LDLRAD3: variants seen among roughly 807,000 people sequenced by gnomAD.
The protein encoded by LDLRAD3 is low density lipoprotein receptor class A domain containing 3, also known as low-density lipoprotein receptor class A domain-containing protein 3.
LDLRAD3 carries 20 observed loss-of-function variants against 29.4 expected under a neutral mutation model. That is an observed-to-expected ratio of 0.68 (90% CI 0.48 to 0.99). The LOEUF is 0.99. Ranked by LOEUF, LDLRAD3 falls within the 50% of genes least tolerant of loss-of-function variation. The pLI, the probability that LDLRAD3 is intolerant of heterozygous loss-of-function variation, is 0.00. For synonymous variants in LDLRAD3, 157 were observed against 192.7 expected (o/e 0.81, Z 1.53); for missense variants, 420 against 454.3 (o/e 0.92, Z 0.69).
chr11:36,175,769 A>C (rs1184522398), intron 4 of LDLRAD3, among the ~76,000 whole-genome samples: 3 of 152,230 alleles, frequency 2.0e-5, no homozygotes, highest in Non-Finnish European at 4.4e-5. Context: ...ACTGATGAAT[A>C]GAATGTATAT....
chr11:35,983,100 C>T (rs1393884522), intron 1 of LDLRAD3, among the ~76,000 whole-genome samples: 2 of 152,126 alleles, frequency 1.3e-5, no homozygotes, highest in Non-Finnish European at 1.5e-5. Flanking sequence ...GTGATCTACC[C>T]GCCTTGGCCT....
chr11:36,029,955 G>A (rs1852215030), intron 1 of LDLRAD3, among the ~76,000 whole-genome samples: 1 of 152,216 alleles, frequency 6.6e-6, no homozygotes, highest in Non-Finnish European at 1.5e-5. Context: ...CATAGGCAGT[G>A]TAAATATGAA....
chr11:36,171,103 A>G (rs1347483223), intron 4 of LDLRAD3, among the ~76,000 whole-genome samples: 1 of 151,864 alleles, frequency 6.6e-6, no homozygotes, highest in African/African-American at 2.4e-5. Context: ...TCTTTTGGGA[A>G]TTGTCTATTT....
chr11:35,990,122 A>T (rs919435896), intron 1 of LDLRAD3, among the ~76,000 whole-genome samples: 1 of 152,130 alleles, frequency 6.6e-6, no homozygotes, highest in Non-Finnish European at 1.5e-5. Context: ...CTATAAAGGC[A>T]TGGGGGGTGG....
At chr11:36,187,828 A>C (rs1854876060) in intron 4 of LDLRAD3, among the ~76,000 whole-genome samples, 1 of 152,230 alleles carries the variant, frequency 6.6e-6, no homozygotes, top group Non-Finnish European at 1.5e-5. Context: ...TACTGGAGAC[A>C]AGCCTCTGTC....
intron 3 of LDLRAD3, among the ~76,000 whole-genome samples, chr11:36,091,867 A>G (rs1853286703): frequency 6.6e-6 from 1 of 152,292 alleles, no homozygotes; most frequent in Middle Eastern, 3.4e-3. Flanking sequence ...AGCATTTACT[A>G]TTTCCAGGGT....
chr11:36,003,583 T>A (rs1851850557), intron 1 of LDLRAD3, among the ~76,000 whole-genome samples: 1 of 152,194 alleles, frequency 6.6e-6, no homozygotes, highest in Admixed American at 6.5e-5. Context: ...ATCATGTTAG[T>A]TCAGCTTAGA....
intron 4 of LDLRAD3, chr11:36,102,012 CCGAGTAGCTGGAACTACAGGCGCCCGCCA>C (rs1381408433): frequency 2.5e-5 from 5 of 200,712 alleles, no homozygotes; most frequent in African/African-American, 7.2e-5. Context: ...CCTCAGCCTC[CCGAGTAGCTGGAACTACAGGCGCCCGCCA>C]CTACGCCTGG....
At chr11:36,226,981 C>T in intron 4 of LDLRAD3, 104 bp from the exon 5 acceptor site, 1 of 907,628 alleles carries the variant, frequency 1.1e-6, no homozygotes, top group Non-Finnish European at 1.7e-6. Context: ...GTGAATAGGG[C>T]TACTGTGAAC....
At chr11:36,104,256 G>T (rs779665812) in intron 4 of LDLRAD3, among the ~76,000 whole-genome samples, 1 of 152,200 alleles carries the variant, frequency 6.6e-6, no homozygotes, top group Non-Finnish European at 1.5e-5. Context: ...CATGAGTGAG[G>T]TTGGAAGTGG....
intron 4 of LDLRAD3, among the ~76,000 whole-genome samples, chr11:36,140,224 G>A (rs2133313950): frequency 6.6e-6 from 1 of 152,314 alleles, no homozygotes; most frequent in East Asian, 1.9e-4. Context: ...ATGAGCCTAT[G>A]AGGGGATGTG....
intron 4 of LDLRAD3, among the ~76,000 whole-genome samples, chr11:36,105,045 C>T (rs1853506565): frequency 6.6e-6 from 1 of 152,186 alleles, no homozygotes; most frequent in South Asian, 2.1e-4. Flanking sequence ...CAAGCAGCCA[C>T]CAATGCCGGG....
intron 4 of LDLRAD3, among the ~76,000 whole-genome samples, chr11:36,217,789 G>A (rs1409176772): frequency 6.6e-6 from 1 of 152,190 alleles, no homozygotes; most frequent in Non-Finnish European, 1.5e-5. Flanking sequence ...CCTTGGCTTG[G>A]TTGGGGCTGC....
In LDLRAD3 at chr11:36,179,136, A is replaced by T. The variant is rs1269171489; in HGVS notation, c.455-47949A>T. On this transcript the variant is annotated intron_variant, in intron 4 of 5. Transcript: ENST00000315571. ...GGGAATCCCAGGGTGTTCACTAAGT[A>T]CACATTCTTGTTCTGCATCCCTGGA... is the stretch of plus-strand genomic sequence containing the variant. Among the ~76,000 whole-genome samples the T allele has an allele frequency of 3.3e-5, 5 of 152,214 alleles. No individual in the cohort carries two copies. The East Asian group carries it at 9.6e-4, about 29-fold the overall frequency.
In LDLRAD3 at chr11:36,231,032, T is replaced by G. The variant is rs1231762430; in HGVS notation, c.*1635T>G. ...TAAGGGGTAAAACGTTAGGTGTTGT[T>G]TGGCAAGAAACCACACTGACTGATG... On this transcript the variant is annotated 3_prime_UTR_variant, in exon 6 of 6. Coordinates refer to ENST00000315571, the MANE Select transcript of LDLRAD3 (RefSeq NM_174902.4). 3.3e-5 allele frequency: 5 copies of G among 152,702 alleles called. No homozygotes were observed. In the South Asian group the frequency reaches 1.0e-3, roughly 32 times the overall value. 9.5% of individuals were successfully genotyped at this position (152,702 alleles called of 1,614,324 possible).
chr11:36,057,806 G>A (rs937888487), intron 2 of LDLRAD3, among the ~76,000 whole-genome samples: 1 of 152,140 alleles, frequency 6.6e-6, no homozygotes, highest in African/African-American at 2.4e-5. Flanking sequence ...TTTCCTGAAT[G>A]ATTGTCCGAA....
chr11:36,202,759 A>G (rs1855145419), intron 4 of LDLRAD3, among the ~76,000 whole-genome samples: 1 of 152,178 alleles, frequency 6.6e-6, no homozygotes, highest in African/African-American at 2.4e-5. Flanking sequence ...TCACCTTCAT[A>G]CTACAGATAG....
rs138373589 is a variant in LDLRAD3 at position 36,222,101 on chromosome 11, G to A, written c.455-4984G>A. On this transcript the variant is annotated intron_variant, in intron 4 of 5. Transcript: ENST00000315571. Reference sequence around the variant, plus strand: ...GTTGGTTTTTTAGAGACAGGGTCTCGCTCTGTCACTCAGGCTGGAGCATAG... The same window carrying A: ...GTTGGTTTTTTAGAGACAGGGTCTCACTCTGTCACTCAGGCTGGAGCATAG... 2.9e-3 allele frequency among the ~76,000 whole-genome samples: 434 copies of A among 152,120 alleles called. 2 individuals carry two copies. Among genetic ancestry groups the A allele is most frequent in the African/African-American group, 0.01 (418 of 41,492 alleles).
At chr11:36,080,579 C>T (rs980429031) in intron 2 of LDLRAD3, among the ~76,000 whole-genome samples, 7 of 152,158 alleles carry the variant, frequency 4.6e-5, no homozygotes, top group African/African-American at 1.2e-4. Flanking sequence ...TCTCTCAAAG[C>T]GCATTTATGA....
Sources: allele counts gnomAD v4.1 joint callset (sites outside exome capture counted in the v4.1 genomes callset), GRCh38; gene constraint gnomAD v4.1.1; transcripts MANE v1.5; gene names NCBI Gene and HGNC (gene_info 2026-07-23, HGNC 2026-07-21).